The following LZTFL1 variants were observed in gnomAD, a reference collection of about 807,000 sequenced individuals.
The protein encoded by LZTFL1 is leucine zipper transcription factor like 1, also known as leucine zipper transcription factor-like protein 1.
In LZTFL1, 25 loss-of-function variants were observed where a neutral mutation model predicts 45.9. The ratio of observed to expected loss-of-function variants is 0.54; its 90% CI spans 0.40 to 0.76. LZTFL1 has a LOEUF of 0.76. Among genes scored for constraint, LZTFL1 ranks in the 30% least tolerant of loss-of-function variants. The pLI is 0.00. For synonymous variants in LZTFL1, 93 were observed against 117.4 expected (o/e 0.79, Z 1.35); for missense variants, 277 against 331.1 (o/e 0.84, Z 1.27).
chr3:45,864,082 T>A (rs555621772), intron 2 of LZTFL1, among the ~76,000 whole-genome samples: 3 of 152,196 alleles, frequency 2.0e-5, no homozygotes, highest in Admixed American at 2.0e-4. Flanking sequence ...GGAGACTGAC[T>A]GTGATGTTCA....
chr3:45,861,357 G>A (rs564231331), intron 2 of LZTFL1, among the ~76,000 whole-genome samples: 1 of 152,308 alleles, frequency 6.6e-6, no homozygotes, highest in South Asian at 2.1e-4. Flanking sequence ...AGCCCGGGAA[G>A]CTCAGAAGTG....
Position 45,826,255 on chromosome 3 carries a change from C to G in LZTFL1, c.*59G>C, listed in dbSNP as rs1023811530. On this transcript the variant is annotated 3_prime_UTR_variant, in exon 10 of 10. Transcript: ENST00000296135. ...GACAAAATGCTTTTCAAAATACATG[C>G]CTGAGGTGAGACTGCTTGTATGTTT... 1.3e-6 allele frequency: 2 copies of G among 1,496,690 alleles called. No homozygotes were observed. Among genetic ancestry groups the G allele is most frequent in the African/African-American group, 2.8e-5 (2 of 72,400 alleles). 92.7% of individuals were successfully genotyped at this position (1,496,690 alleles called of 1,614,324 possible).
chr3:45,868,881 C>A (rs971761111), intron 2 of LZTFL1, among the ~76,000 whole-genome samples: 2 of 152,188 alleles, frequency 1.3e-5, no homozygotes, highest in Non-Finnish European at 2.9e-5. Context: ...CCCTTGACAT[C>A]CAAATGTGGT....
chr3:45,909,914 A>G (rs1234446322), intron 2 of LZTFL1, among the ~76,000 whole-genome samples: 1 of 152,232 alleles, frequency 6.6e-6, no homozygotes, highest in Non-Finnish European at 1.5e-5. Flanking sequence ...AGGTGGGACC[A>G]TCACCCCTAA....
upstream of LZTFL1, among the ~76,000 whole-genome samples, chr3:45,847,116 T>TC (rs1701229380): frequency 6.6e-6 from 1 of 152,242 alleles, no homozygotes. Flanking sequence ...AGCTAATTCC[T>TC]CTGGTGTGGT....
intron 2 of LZTFL1, among the ~76,000 whole-genome samples, chr3:45,871,282 T>C (rs1246949043): frequency 6.6e-6 from 1 of 152,226 alleles, no homozygotes; most frequent in Non-Finnish European, 1.5e-5. Flanking sequence ...ATTGCTGTCA[T>C]CTCTTTCCAG....
At chr3:45,892,060 G>A (rs1702195169) in intron 2 of LZTFL1, among the ~76,000 whole-genome samples, 1 of 152,146 alleles carries the variant, frequency 6.6e-6, no homozygotes, top group African/African-American at 2.4e-5. Flanking sequence ...AGCCCTGGCT[G>A]TTTAGTGGAG....
chr3:45,854,180 T>A (rs1701350579), intron 4 of LZTFL1, among the ~76,000 whole-genome samples: 1 of 152,234 alleles, frequency 6.6e-6, no homozygotes, highest in Admixed American at 6.5e-5. Flanking sequence ...AAAATTCTCC[T>A]CAGCTGCTTT....
At chr3:45,883,757 T>C in intron 2 of LZTFL1, 1 of 556,232 alleles carries the variant, frequency 1.8e-6, no homozygotes, top group Admixed American at 2.6e-5. Context: ...CTTTCTGCAA[T>C]GCATCCCCAT....
Position 45,901,955 on chromosome 3 carries a change from T to C in LZTFL1, c.-215+11165A>G. On this transcript the variant is annotated intron_variant, in intron 2 of 4. Transcript: ENST00000472635. The surrounding 1 kb of genome is among the most constrained non-coding windows in gnomAD (Gnocchi z 4.3). ...GAAGAAATGAGAAATACAGAAACAGTTTCCCCACTGATGGGACCAGAGAGA... is the reference window on the plus strand; with the variant it reads ...GAAGAAATGAGAAATACAGAAACAGCTTCCCCACTGATGGGACCAGAGAGA... 3 of 1,405,758 alleles carry C rather than the reference T, an allele frequency of 2.1e-6. No homozygotes were observed. The highest frequency in any genetic ancestry group is 2.9e-6 in the Non-Finnish European group (3 of 1,032,186). The allele number at this position is 1,405,758 out of a possible 1,614,324, so 87.1% of individuals were successfully genotyped here. A position where few individuals can be genotyped will look rare whatever the true frequency, so the allele number is the denominator to read the frequency against.
chr3:45,826,901 C>A (rs919062219), intron 9 of LZTFL1, among the ~76,000 whole-genome samples: 1 of 152,222 alleles, frequency 6.6e-6, no homozygotes, highest in African/African-American at 2.4e-5. Flanking sequence ...AGATACTAAT[C>A]CTATGTAGAA....
chr3:45,907,906 T>A (rs1386791310), intron 2 of LZTFL1, among the ~76,000 whole-genome samples: 17 of 152,196 alleles, frequency 1.1e-4, no homozygotes, highest in Admixed American at 1.1e-3. Flanking sequence ...ATTTGCATGA[T>A]GTTATGACAG....
rs548582226 is a variant in LZTFL1 at position 45,836,241 on chromosome 3, T to C, written c.129-457A>G. 6.6e-5 allele frequency among the ~76,000 whole-genome samples: 10 copies of C among 152,298 alleles called. No individual in the cohort carries two copies. In the South Asian group the frequency reaches 1.9e-3, roughly 28 times the overall value. On this transcript the variant is annotated intron_variant, in intron 2 of 9. Transcript: ENST00000296135. ...ATGGGAAATAAATGGTAATTATATA[T>C]ATTGCTTCTCTTTGCATTCTTGAGA...
At chr3:45,902,390 G>C (rs1223174990) in intron 2 of LZTFL1, 2 of 169,184 alleles carry the variant, frequency 1.2e-5, no homozygotes, top group Non-Finnish European at 2.9e-5. Context: ...CCCATGCCAG[G>C]TCTTATAGAT....
upstream of LZTFL1, among the ~76,000 whole-genome samples, chr3:45,846,976 A>T (rs1248581598): frequency 2.0e-5 from 3 of 152,176 alleles, no homozygotes; most frequent in East Asian, 5.8e-4. Context: ...AAGAAGTCAA[A>T]ATCAGTCTTG....
chr3:45,824,365 TA>T lies in LZTFL1; in HGVS notation c.*1948del, dbSNP rs1176749557. ...ATTTTGCTAAAGGGTATAGAGTAAA[TA>T]ACAACAACAACAACAACAACAAAAA... On this transcript the variant is annotated 3_prime_UTR_variant, in exon 10 of 10. Transcript: ENST00000296135. 2 of 152,474 alleles carry T rather than the reference TA, an allele frequency of 1.3e-5. No homozygotes were observed. The highest frequency in any genetic ancestry group is 2.9e-5 in the Non-Finnish European group (2 of 68,530). The allele number at this position is 152,474 out of a possible 1,614,324, so 9.4% of individuals were successfully genotyped here.
chr3:45,886,099 G>A (rs548104765), intron 2 of LZTFL1, among the ~76,000 whole-genome samples: 1 of 152,284 alleles, frequency 6.6e-6, no homozygotes, highest in Non-Finnish European at 1.5e-5. Flanking sequence ...CAGCCCTCCG[G>A]GTTCTGGTAC....
intron 2 of LZTFL1, among the ~76,000 whole-genome samples, chr3:45,875,292 G>A (rs1283961778): frequency 2.6e-5 from 4 of 152,160 alleles, no homozygotes; most frequent in Admixed American, 6.5e-5. Context: ...ACTATAGTAA[G>A]TGCAAAATCA....
intron 2 of LZTFL1, among the ~76,000 whole-genome samples, chr3:45,861,226 ACCCC>A (rs1701486246): frequency 7.1e-6 from 1 of 141,110 alleles, no homozygotes; most frequent in African/African-American, 2.6e-5. Context: ...AAAAAAAAAA[ACCCC>A]AAAAACTCCC....
Sources: allele counts gnomAD v4.1 joint callset (sites outside exome capture counted in the v4.1 genomes callset), GRCh38; gene constraint gnomAD v4.1.1; non-coding constraint Gnocchi (gnomAD v3.1); transcripts MANE v1.5; gene names NCBI Gene and HGNC (gene_info 2026-07-23, HGNC 2026-07-21).